The following FXYD6 variants were observed in gnomAD, a reference collection of about 807,000 sequenced individuals.
FXYD6 encodes the protein FXYD domain-containing ion transport regulator 6.
In FXYD6, 7 loss-of-function variants were observed where a neutral mutation model predicts 16.7. The observed-to-expected ratio is 0.42, with a 90% confidence interval of 0.24 to 0.79. FXYD6 has a LOEUF of 0.79. FXYD6 is among the 30% of genes least tolerant of loss of function. The probability of loss-of-function intolerance (pLI) is 0.28; values close to 1 mark genes in which losing one functional copy is unlikely to be tolerated. For missense variants in FXYD6, 111 were observed against 116.2 expected (o/e 0.95, Z 0.21); for synonymous variants, 49 against 43.0 (o/e 1.14, Z -0.54).
chr11:117,877,143 C>G (rs1165488474), upstream of FXYD6: 2 of 152,308 alleles, frequency 1.3e-5, no homozygotes, highest in Non-Finnish European at 2.9e-5. Flanking sequence ...AACCCAGCAC[C>G]AGACACAGCA....
At position 117,875,352 on chromosome 11, in the gene FXYD6, A is replaced by G. The variant is rs528130382; in HGVS notation, c.-6+1240T>C. On this transcript the variant is annotated intron_variant, in intron 1 of 7. Coordinates refer to ENST00000526014, the MANE Select transcript of FXYD6 (RefSeq NM_022003.4). ...GTGGTGTGAGTAAGGGGCCACTGCAATTGGGTGTAGGAGCCAGATATCTAG... is the reference window on the plus strand; with the variant it reads ...GTGGTGTGAGTAAGGGGCCACTGCAGTTGGGTGTAGGAGCCAGATATCTAG... Among the ~76,000 whole-genome samples, 86 of 152,004 alleles carry G rather than the reference A, an allele frequency of 5.7e-4. 2 individuals carry two copies. In the South Asian group the frequency reaches 0.017, roughly 30 times the overall value.
intron 6 of FXYD6, 64 bp from the exon 7 acceptor site, chr11:117,839,894 C>T (rs942376145): frequency 5.0e-6 from 8 of 1,603,750 alleles, no homozygotes; most frequent in African/African-American, 2.7e-5. Context: ...CCACCCCCAA[C>T]AGCAGCCGTG....
At chr11:117,849,393 G>A (rs2056551200) in intron 1 of FXYD6, among the ~76,000 whole-genome samples, 1 of 152,206 alleles carries the variant, frequency 6.6e-6, no homozygotes, top group Admixed American at 6.5e-5. Flanking sequence ...GAAACGTGTT[G>A]AGACTTGCTT....
At chr11:117,865,445 T>C (rs1271459589) in intron 1 of FXYD6, among the ~76,000 whole-genome samples, 1 of 152,196 alleles carries the variant, frequency 6.6e-6, no homozygotes, top group East Asian at 1.9e-4. Context: ...TCACAATAGC[T>C]AAAACACAGA....
Position 117,842,753 on chromosome 11 carries a change from G to T in FXYD6, c.24C>A (p.Leu8=). 1 of 1,569,702 alleles carries T rather than the reference G, an allele frequency of 6.4e-7. No individual in the cohort carries two copies. Among genetic ancestry groups the T allele is most frequent in the East Asian group, 2.3e-5 (1 of 42,654 alleles). ...GGACCATGGGGGCCAGCAGGCTGCAGAGGAAGACCAGCACCAACTCCATGG... is the reference window on the plus strand; with the variant it reads ...GGACCATGGGGGCCAGCAGGCTGCATAGGAAGACCAGCACCAACTCCATGG... The part of the protein sequence containing the change: MELVLVF[L]CSLLAPMVLA... The change falls in exon 2 of 8, where the codon CTC becomes CTA. Residue 8 remains leucine, a synonymous_variant. Transcript: ENST00000526014.
chr11:117,871,342 C>T (rs2057131124), intron 1 of FXYD6, among the ~76,000 whole-genome samples: 1 of 152,074 alleles, frequency 6.6e-6, no homozygotes, highest in Non-Finnish European at 1.5e-5. Context: ...AGGACTCTTC[C>T]CCATGCGTGT....
chr11:117,850,113 C>T (rs2056571715), intron 1 of FXYD6, among the ~76,000 whole-genome samples: 1 of 152,234 alleles, frequency 6.6e-6, no homozygotes, highest in South Asian at 2.1e-4. Flanking sequence ...TTCCCTATGC[C>T]TCAGACCACC....
chr11:117,838,355 G>C, intron 7 of FXYD6, 78 bp from the exon 8 acceptor site: 1 of 698,504 alleles, frequency 1.4e-6, no homozygotes. Flanking sequence ...CCTTCCTTGA[G>C]CACCTGCCCA....
At chr11:117,838,481 T>G in intron 7 of FXYD6, 1 of 602,132 alleles carries the variant, frequency 1.7e-6, no homozygotes, top group Non-Finnish European at 3.0e-6. Context: ...CTGGCAGACA[T>G]GGAAAGGAAA....
At position 117,838,062 on chromosome 11, in the gene FXYD6, C is replaced by T; in HGVS notation, c.*237G>A. 1 of 666,282 alleles carries T rather than the reference C, an allele frequency of 1.5e-6. No individual in the cohort carries two copies. The highest frequency in any genetic ancestry group is 2.7e-6 in the Non-Finnish European group (1 of 365,774). 41.3% of individuals were successfully genotyped at this position (666,282 alleles called of 1,614,324 possible). A position where few individuals can be genotyped will look rare whatever the true frequency, so the allele number is the denominator to read the frequency against. On this transcript the variant is annotated 3_prime_UTR_variant, in exon 8 of 8. Coordinates refer to ENST00000526014, the MANE Select transcript of FXYD6 (RefSeq NM_022003.4). ...ACAGTCACACACACACACACACACA[C>T]ACACATCACGGGAGGTGGGCAGGAC... is the stretch of plus-strand genomic sequence containing the variant.
chr11:117,847,529 A>C (rs2056501055), intron 1 of FXYD6, among the ~76,000 whole-genome samples: 11 of 100,898 alleles, frequency 1.1e-4, no homozygotes, highest in East Asian at 1.0e-3. Context: ...CCACCCCACA[A>C]CAGGCCCCGG....
rs2056848104 is a variant in FXYD6, at chr11:117,859,222, C to T, written c.-5-16441G>A. On this transcript the variant is annotated intron_variant, in intron 1 of 7. Coordinates refer to ENST00000526014, the MANE Select transcript of FXYD6 (RefSeq NM_022003.4). ...GTCCCGACCGCAGGTCCAGCCACACCCAGTTCGGCAGGACACTGTGGAGCC... is the reference window on the plus strand; with the variant it reads ...GTCCCGACCGCAGGTCCAGCCACACTCAGTTCGGCAGGACACTGTGGAGCC... 2.6e-5 allele frequency among the ~76,000 whole-genome samples: 4 copies of T among 152,224 alleles called. 1 individual carries two copies. Among genetic ancestry groups the T allele is most frequent in the Admixed American group, 2.6e-4 (4 of 15,286 alleles).
At chr11:117,839,560 C>G in intron 7 of FXYD6, 1 of 523,624 alleles carries the variant, frequency 1.9e-6, no homozygotes, top group Non-Finnish European at 3.4e-6. Context: ...GCCCCATTTC[C>G]TGGTGTTGGC....
chr11:117,844,900 T>A (rs1018672570), intron 1 of FXYD6, among the ~76,000 whole-genome samples: 2 of 152,224 alleles, frequency 1.3e-5, no homozygotes, highest in Non-Finnish European at 2.9e-5. Context: ...ATCTGCTGTA[T>A]AACACTGTAC....
rs139758941 is a variant in FXYD6 at position 117,860,673 on chromosome 11, C to T, written c.-6+15919G>A. Among the ~76,000 whole-genome samples the T allele has an allele frequency of 5.3e-3, 804 of 152,286 alleles. 6 individuals carry two copies. Among genetic ancestry groups the T allele is most frequent in the African/African-American group, 0.019 (780 of 41,558 alleles). On this transcript the variant is annotated intron_variant, in intron 1 of 7. Coordinates refer to ENST00000526014, the MANE Select transcript of FXYD6 (RefSeq NM_022003.4). Reference sequence around the variant, plus strand: ...AGAATCAGTGCAGAATCTGCCAGTCCGTTCCCTTGTCCACTTTCCAAGGCT... The same window carrying T: ...AGAATCAGTGCAGAATCTGCCAGTCTGTTCCCTTGTCCACTTTCCAAGGCT...
At chr11:117,859,287 G>A (rs1440932896) in intron 1 of FXYD6, among the ~76,000 whole-genome samples, 3 of 152,220 alleles carry the variant, frequency 2.0e-5, no homozygotes, top group Non-Finnish European at 4.4e-5. Flanking sequence ...AGGGAGGTCC[G>A]GGGTTGGAGA....
chr11:117,868,020 C>A (rs2057046829), intron 1 of FXYD6, among the ~76,000 whole-genome samples: 1 of 152,232 alleles, frequency 6.6e-6, no homozygotes, highest in African/African-American at 2.4e-5. Flanking sequence ...CTTTGTCCAG[C>A]TGCCACTCCA....
chr11:117,854,233 T>C (rs1014468988), intron 1 of FXYD6, among the ~76,000 whole-genome samples: 36 of 152,090 alleles, frequency 2.4e-4, no homozygotes, highest in African/African-American at 8.5e-4. Context: ...GAATATTGGA[T>C]GTGAGGTGAG....
At chr11:117,840,453 G>A in intron 5 of FXYD6, 85 bp from the exon 6 acceptor site, 2 of 1,570,304 alleles carry the variant, frequency 1.3e-6, no homozygotes, top group Non-Finnish European at 8.7e-7. Flanking sequence ...CTGGGGCACA[G>A]CTGCCTGCAG....
Sources: allele counts gnomAD v4.1 joint callset (sites outside exome capture counted in the v4.1 genomes callset), GRCh38; gene constraint gnomAD v4.1.1; transcripts MANE v1.5; gene names NCBI Gene and HGNC (gene_info 2026-07-23, HGNC 2026-07-21).